Variants in SNX13 observed in about 807,000 individuals in gnomAD.
SNX13 encodes the protein sorting nexin 13.
SNX13 carries 45 observed loss-of-function variants against 133.6 expected under a neutral mutation model. That is an observed-to-expected ratio of 0.34 (90% confidence interval 0.27 to 0.43). The LOEUF (loss-of-function observed/expected upper bound fraction) is 0.43, where lower values mean the gene tolerates loss of function less well. Among genes scored for constraint, SNX13 ranks in the 20% least tolerant of loss-of-function variants. The pLI, the probability that SNX13 is intolerant of heterozygous loss-of-function variation, is 1.00. For synonymous variants in SNX13, 414 were observed against 373.9 expected, an observed-to-expected ratio of 1.11 and a Z score of -1.24; for missense variants, 1,032 against 1,145.1, an observed-to-expected ratio of 0.90 and a Z score of 1.43.
At chr7:17,872,425 G>A (rs148758518) in intron 8 of SNX13, among the ~76,000 whole-genome samples, 20 of 152,290 alleles carry the variant, frequency 1.3e-4, no homozygotes, top group African/African-American at 4.6e-4. Flanking sequence ...TGGATACTCT[G>A]CATGAACAAA....
Position 17,801,616 on chromosome 7 carries a change from C to G in SNX13, c.2270G>C (p.Arg757Pro). The G allele has an allele frequency of 6.2e-7, 1 of 1,608,862 alleles. No individual in the cohort carries two copies. Among genetic ancestry groups the G allele is most frequent in the Non-Finnish European group, 8.5e-7 (1 of 1,177,624 alleles). ...ATCGTCAAGTTGAGCCGAAACTCGG[C>G]GATGTTCAGGGTCTGAATCAGTCTT... ...IPKTDSDPEH[R>P]RVSAQLDDNV... Residue 757 changes from arginine (R) to proline (P), a missense_variant, in exon 22 of 26, where the codon CGC (arginine) becomes CCC (proline). Physicochemically the swap from Arg to Pro is moderately radical, Grantham distance 103. Coordinates refer to ENST00000428135, the MANE Select transcript of SNX13 (RefSeq NM_015132.5).
intron 1 of SNX13, among the ~76,000 whole-genome samples, chr7:17,918,435 GAA>G (rs71010279): frequency 0.038 from 5,498 of 146,360 alleles, 315 homozygotes; most frequent in African/African-American, 0.13. Context: ...GAATCAACAA[GAA>G]AAAAAAAAAA....
chr7:17,798,840 A>C, intron 23 of SNX13, 82 bp from the exon 24 acceptor site: 4 of 1,235,808 alleles, frequency 3.2e-6, no homozygotes, highest in Non-Finnish European at 4.5e-6. Flanking sequence ...AGAGCAAGCA[A>C]CTTAATCTGG....
chr7:17,843,498 C>T (rs1490311208), intron 12 of SNX13, among the ~76,000 whole-genome samples: 1 of 151,838 alleles, frequency 6.6e-6, no homozygotes, highest in Non-Finnish European at 1.5e-5. Context: ...GATTTCGATG[C>T]CCCACTCTCA....
intron 9 of SNX13, among the ~76,000 whole-genome samples, chr7:17,866,291 T>C (rs1006562787): frequency 2.4e-5 from 3 of 126,314 alleles, no homozygotes; most frequent in East Asian, 2.3e-4. Flanking sequence ...AACAACTCAA[T>C]AGGAAAAAAA....
Position 17,792,832 on chromosome 7 carries a change from C to T in SNX13, c.*1213G>A, listed in dbSNP as rs1040265843. The T allele has an allele frequency of 6.6e-6, 1 of 152,180 alleles. No homozygotes were observed. The highest frequency in any genetic ancestry group is 1.5e-5 in the Non-Finnish European group (1 of 67,832). The allele number at this position is 152,180 out of a possible 1,614,324, so 9.4% of individuals were successfully genotyped here. A position where few individuals can be genotyped will look rare whatever the true frequency, so the allele number is the denominator to read the frequency against. On this transcript the variant is annotated 3_prime_UTR_variant, in exon 26 of 26. Transcript: ENST00000428135. ...CAGAAAACTATAGGAAATACAGAAGCTCCAAAACTAGAGAAAGTATTTTAT... is the reference window on the plus strand; with the variant it reads ...CAGAAAACTATAGGAAATACAGAAGTTCCAAAACTAGAGAAAGTATTTTAT...
intron 20 of SNX13, among the ~76,000 whole-genome samples, chr7:17,805,834 AC>A (rs905884019): frequency 1.3e-5 from 2 of 152,146 alleles, no homozygotes; most frequent in African/African-American, 4.8e-5. Context: ...TGTTTTCCCC[AC>A]CAAAAGGTAA....
chr7:17,822,890 G>A (rs1787460903), intron 17 of SNX13, among the ~76,000 whole-genome samples: 1 of 152,168 alleles, frequency 6.6e-6, no homozygotes, highest in South Asian at 2.1e-4. Flanking sequence ...ACTCAGGATA[G>A]GATGCAAGCT....
At chr7:17,925,851 T>C (rs1329512040) in intron 1 of SNX13, among the ~76,000 whole-genome samples, 1 of 152,064 alleles carries the variant, frequency 6.6e-6, no homozygotes, top group Non-Finnish European at 1.5e-5. Flanking sequence ...GGAATAAAGG[T>C]ATTCTATATT....
At chr7:17,847,155 G>C (rs1426091697) in intron 11 of SNX13, among the ~76,000 whole-genome samples, 3 of 152,114 alleles carry the variant, frequency 2.0e-5, no homozygotes, top group Non-Finnish European at 4.4e-5. Flanking sequence ...AAAAGCACAA[G>C]TGAAACCGTA....
At chr7:17,902,738 A>G (rs952649947) in intron 1 of SNX13, among the ~76,000 whole-genome samples, 1 of 152,188 alleles carries the variant, frequency 6.6e-6, no homozygotes, top group Non-Finnish European at 1.5e-5. Flanking sequence ...ATTCTTTAAT[A>G]CAGGAGTCCC....
At chr7:17,872,489 T>C (rs1232380501) in intron 8 of SNX13, among the ~76,000 whole-genome samples, 1 of 152,208 alleles carries the variant, frequency 6.6e-6, no homozygotes, top group Non-Finnish European at 1.5e-5. Flanking sequence ...AATCTAGTGA[T>C]AGACATCCAG....
chr7:17,933,087 CAAAA>C (rs1290573614), intron 1 of SNX13, among the ~76,000 whole-genome samples: 3 of 152,188 alleles, frequency 2.0e-5, no homozygotes, highest in Non-Finnish European at 2.9e-5. Flanking sequence ...CGAGTTATAA[CAAAA>C]GCCTTATAAA....
Position 17,799,157 on chromosome 7 carries a change from G to T in SNX13, c.2299-3C>A. On this transcript the variant is annotated splice_region_variant and splice_polypyrimidine_tract_variant and intron_variant, in intron 22 of 25. Coordinates refer to ENST00000428135, the MANE Select transcript of SNX13 (RefSeq NM_015132.5). Reference sequence around the variant, plus strand: ...CTAAGTGGAATATTGTCATCCACCTGACAAAATATAAGAAATAAGAATAAG... The same window carrying T: ...CTAAGTGGAATATTGTCATCCACCTTACAAAATATAAGAAATAAGAATAAG... 1 of 1,592,262 alleles carries T rather than the reference G, an allele frequency of 6.3e-7. No individual in the cohort carries two copies. Among genetic ancestry groups the T allele is most frequent in the South Asian group, 1.1e-5 (1 of 87,168 alleles).
chr7:17,938,202 A>C (rs368384819), intron 1 of SNX13, among the ~76,000 whole-genome samples: 4 of 152,260 alleles, frequency 2.6e-5, no homozygotes, highest in African/African-American at 7.2e-5. Context: ...GTCTTTTTTA[A>C]GTAATAATCA....
chr7:17,809,846 T>C (rs1785790941), intron 20 of SNX13, among the ~76,000 whole-genome samples: 1 of 152,164 alleles, frequency 6.6e-6, no homozygotes, highest in Admixed American at 6.5e-5. Context: ...ACATGGAAAC[T>C]GAACAACCTG....
intron 3 of SNX13, among the ~76,000 whole-genome samples, chr7:17,892,408 C>G (rs1416441167): frequency 1.3e-5 from 2 of 151,090 alleles, no homozygotes; most frequent in Non-Finnish European, 3.0e-5. Flanking sequence ...AAAATATTTC[C>G]TATTCTCTGT....
chr7:17,933,726 T>A (rs1425608265), intron 1 of SNX13, among the ~76,000 whole-genome samples: 1 of 149,116 alleles, frequency 6.7e-6, no homozygotes, highest in African/African-American at 2.5e-5. Context: ...CACCCACCTA[T>A]CCACCAAGAA....
At chr7:17,798,652 G>C (rs770512523) in intron 24 of SNX13, 38 bp downstream of exon 24, 1 of 1,435,144 alleles carries the variant, frequency 7.0e-7, no homozygotes, top group Non-Finnish European at 9.6e-7. Flanking sequence ...GCTAAACTCT[G>C]TACTACCTGA....
Sources: allele counts gnomAD v4.1 joint callset (sites outside exome capture counted in the v4.1 genomes callset), GRCh38; gene constraint gnomAD v4.1.1; transcripts MANE v1.5; gene names NCBI Gene and HGNC (gene_info 2026-07-23, HGNC 2026-07-21).